The following RSPH14 variants were observed in gnomAD, a reference collection of about 807,000 sequenced individuals.
RSPH14 encodes the protein radial spoke head 14 homolog.
RSPH14 carries 20 observed loss-of-function variants against 26.7 expected under a neutral mutation model. The ratio of observed to expected loss-of-function variants is 0.75; its 90% CI spans 0.53 to 1.09. RSPH14 has a LOEUF of 1.09. RSPH14 is among the 50% of genes least tolerant of loss of function. The pLI is 0.00. For synonymous variants in RSPH14, 177 were observed against 189.3 expected, an observed-to-expected ratio of 0.93 and a Z score of 0.53; for missense variants, 449 against 457.2, an observed-to-expected ratio of 0.98 and a Z score of 0.16.
chr22:23,101,957 G>C (rs527550706), intron 4 of RSPH14, among the ~76,000 whole-genome samples: 64 of 152,318 alleles, frequency 4.2e-4, no homozygotes, highest in African/African-American at 1.3e-3. Flanking sequence ...TCTAAGCTTG[G>C]CCTGGCTTCC....
chr22:23,064,911 G>A (rs2068172782), intron 4 of RSPH14, among the ~76,000 whole-genome samples: 1 of 152,136 alleles, frequency 6.6e-6, no homozygotes, highest in Admixed American at 6.5e-5. Flanking sequence ...AGCACGAGTG[G>A]CATCCTGAGC....
At chr22:23,120,047 G>T (rs1372907045) in intron 4 of RSPH14, among the ~76,000 whole-genome samples, 1 of 152,204 alleles carries the variant, frequency 6.6e-6, no homozygotes, top group African/African-American at 2.4e-5. Context: ...GGAGATGTTT[G>T]TCTGTCCTGA....
At position 23,061,710 on chromosome 22, in the gene RSPH14, G is replaced by A. The variant is rs575262093; in HGVS notation, c.790+99C>T. ...GTTTTTTTTTTTTTTGCAAAGTGTG[G>A]AGTTTGGGGGACGATACCCAGCCCC... On this transcript the variant is annotated intron_variant, in intron 6 of 6. Transcript: ENST00000216036. 700 of 1,452,580 alleles carry A rather than the reference G, an allele frequency of 4.8e-4. 21 individuals carry two copies. The East Asian group carries it at 0.016, about 33-fold the overall frequency. The allele number at this position is 1,452,580 out of a possible 1,614,324, so 90.0% of individuals were successfully genotyped here. A position where few individuals can be genotyped will look rare whatever the true frequency, so the allele number is the denominator to read the frequency against.
At chr22:23,146,663 G>C, upstream of RSPH14, 1 of 1,613,980 alleles carries the variant, frequency 6.2e-7, no homozygotes, top group Non-Finnish European at 8.5e-7. Flanking sequence ...AGCCGCGACC[G>C]TGTCATCGCC....
intron 4 of RSPH14, among the ~76,000 whole-genome samples, chr22:23,091,969 C>G (rs2146304709): frequency 6.6e-6 from 1 of 152,286 alleles, no homozygotes; most frequent in Middle Eastern, 3.4e-3. Context: ...CACCGCAGGG[C>G]CTTACAGCAT....
chr22:23,154,670 CATT>C, the RSPH14 span, among the ~76,000 whole-genome samples: 1 of 152,218 alleles, frequency 6.6e-6, no homozygotes, highest in African/African-American at 2.4e-5. Context: ...CTCAGCCTCT[CATT>C]GTCTTACATT....
At chr22:23,086,370 T>G (rs1002085350) in intron 4 of RSPH14, among the ~76,000 whole-genome samples, 1 of 152,206 alleles carries the variant, frequency 6.6e-6, no homozygotes, top group Non-Finnish European at 1.5e-5. Flanking sequence ...GGCCTGCTTT[T>G]AGCATGAGAT....
chr22:23,138,939 C>T lies in RSPH14; in HGVS notation c.203G>A (p.Cys68Tyr). The change falls in exon 3 of 7, where the codon TGT becomes TAT. Residue 68 changes from cysteine to tyrosine, a missense_variant. Coordinates refer to ENST00000216036, the MANE Select transcript of RSPH14 (RefSeq NM_014433.3). ...ECIYKAMNIG[C>Y]MENLKALLKD... is the part of the protein sequence containing the mutation. ...CAGCAAAGCTTTCAGGTTCTCCATA[C>T]AGCCTAGAAAAAAAAAAAAAAACAA... is the stretch of plus-strand genomic sequence containing the variant. The T allele has an allele frequency of 1.4e-6, 2 of 1,467,730 alleles. No individual in the cohort carries two copies. Among genetic ancestry groups the T allele is most frequent in the Non-Finnish European group, 9.1e-7 (1 of 1,095,174 alleles). The allele number at this position is 1,467,730 out of a possible 1,614,324, so 90.9% of individuals were successfully genotyped here. A position where few individuals can be genotyped will look rare whatever the true frequency, so the allele number is the denominator to read the frequency against.
chr22:23,132,913 G>A (rs376335048), intron 4 of RSPH14: 1 of 152,076 alleles, frequency 6.6e-6, no homozygotes, highest in East Asian at 1.9e-4. Context: ...GCCAAACAGT[G>A]CGGACACCCG....
chr22:23,178,171 C>T, the RSPH14 span, among the ~76,000 whole-genome samples: 5 of 152,160 alleles, frequency 3.3e-5, no homozygotes, highest in East Asian at 1.9e-4. Flanking sequence ...AATTCCAGCA[C>T]TACAGGAGGC....
the RSPH14 span, chr22:23,180,592 A>AGCGG: frequency 1.7e-4 from 31 of 182,140 alleles, 2 homozygotes; most frequent in Non-Finnish European, 2.0e-4. Context: ...CGGCGGCGGC[A>AGCGG]CGGCGGCGGC....
intron 4 of RSPH14, among the ~76,000 whole-genome samples, chr22:23,103,365 G>A (rs1039703781): frequency 1.3e-5 from 2 of 152,172 alleles, no homozygotes; most frequent in Non-Finnish European, 2.9e-5. Context: ...GGCGGGGAGA[G>A]TCTGCCAGCC....
At chr22:23,135,050 G>A (rs544114618) in intron 3 of RSPH14, among the ~76,000 whole-genome samples, 5 of 152,090 alleles carry the variant, frequency 3.3e-5, no homozygotes, top group Non-Finnish European at 7.4e-5. Flanking sequence ...GTGTGCCTGT[G>A]TTCCCACCTA....
At chr22:23,064,198 C>T in intron 4 of RSPH14, 65 bp from the exon 5 acceptor site, 9 of 1,485,620 alleles carry the variant, frequency 6.1e-6, no homozygotes, top group Non-Finnish European at 8.4e-6. Context: ...TGCCAGTTGG[C>T]CTGCAGGGCT....
At chr22:23,122,922 G>A (rs1426439063) in intron 4 of RSPH14, among the ~76,000 whole-genome samples, 5 of 152,196 alleles carry the variant, frequency 3.3e-5, no homozygotes, top group South Asian at 2.1e-4. Flanking sequence ...GTGGGAGGTG[G>A]GTGAAGACAT....
At chr22:23,085,449 C>T (rs1252546592) in intron 4 of RSPH14, among the ~76,000 whole-genome samples, 3 of 152,134 alleles carry the variant, frequency 2.0e-5, no homozygotes, top group African/African-American at 7.2e-5. Flanking sequence ...ATCAGTTGCC[C>T]ATACAGATCT....
At chr22:23,106,581 G>C (rs1247818656) in intron 4 of RSPH14, among the ~76,000 whole-genome samples, 1 of 152,208 alleles carries the variant, frequency 6.6e-6, no homozygotes, top group Non-Finnish European at 1.5e-5. Flanking sequence ...CCCCTCCCCT[G>C]GCTAGTGAGG....
At chr22:23,066,163 G>C (rs1025252637) in intron 4 of RSPH14, among the ~76,000 whole-genome samples, 2 of 152,206 alleles carry the variant, frequency 1.3e-5, no homozygotes, top group African/African-American at 4.8e-5. Flanking sequence ...GGACACTTGA[G>C]CAAAGACCTG....
rs187855475 is a variant in RSPH14 at position 23,073,194 on chromosome 22, G to A, written c.422-9061C>T. Reference sequence around the variant, plus strand: ...ATGGCAGGTGCACGGGCACACTGGAGGAGGCAGGTCAGCATGCTGCTCTCC... The same window carrying A: ...ATGGCAGGTGCACGGGCACACTGGAAGAGGCAGGTCAGCATGCTGCTCTCC... On this transcript the variant is annotated intron_variant, in intron 4 of 6. Transcript: ENST00000216036. Among the ~76,000 whole-genome samples the A allele has an allele frequency of 3.2e-4, 48 of 152,336 alleles. No homozygotes were observed. The East Asian group carries it at 8.9e-3, about 28-fold the overall frequency.
Sources: allele counts gnomAD v4.1 joint callset (sites outside exome capture counted in the v4.1 genomes callset), GRCh38; gene constraint gnomAD v4.1.1; transcripts MANE v1.5; gene names NCBI Gene and HGNC (gene_info 2026-07-23, HGNC 2026-07-21).